PDE7B: variants seen among roughly 807,000 people sequenced by gnomAD.
PDE7B encodes phosphodiesterase 7B.
PDE7B carries 29 observed loss-of-function variants against 56.2 expected under a neutral mutation model. The observed-to-expected ratio is 0.52, with a 90% CI of 0.38 to 0.70. The LOEUF is 0.70. PDE7B is among the 30% of genes least tolerant of loss of function. PDE7B has a pLI of 0.00. For missense variants in PDE7B, 490 were observed against 565.0 expected (o/e 0.87, Z 1.35); for synonymous variants, 197 against 196.9 (o/e 1.00, Z 0.00).
chr6:135,852,351 A>T (rs981588219), intron 1 of PDE7B, among the ~76,000 whole-genome samples: 1 of 152,092 alleles, frequency 6.6e-6, no homozygotes, highest in African/African-American at 2.4e-5. Flanking sequence ...TCTCCAACAT[A>T]AATCTTGGAG....
At chr6:135,913,944 C>T (rs1776253322) in intron 1 of PDE7B, among the ~76,000 whole-genome samples, 2 of 152,180 alleles carry the variant, frequency 1.3e-5, no homozygotes, top group African/African-American at 2.4e-5. Context: ...GTAACCCACA[C>T]ATCACTGACA....
intron 2 of PDE7B, among the ~76,000 whole-genome samples, chr6:136,032,502 C>T (rs994445000): frequency 1.3e-5 from 2 of 152,166 alleles, no homozygotes; most frequent in African/African-American, 4.8e-5. Flanking sequence ...CATACTTTCA[C>T]CAGGCCTACC....
intron 6 of PDE7B, 118 bp downstream of exon 6, chr6:136,151,373 T>G: frequency 3.4e-6 from 2 of 581,410 alleles, no homozygotes; most frequent in South Asian, 2.4e-5. Flanking sequence ...CCAATTAATC[T>G]TAAATGGTCT....
chr6:136,133,330 T>G (rs960005662), intron 3 of PDE7B, among the ~76,000 whole-genome samples: 1 of 151,628 alleles, frequency 6.6e-6, no homozygotes, highest in Non-Finnish European at 1.5e-5. Context: ...AAAGTTTCTA[T>G]CTAGGCCTCT....
At chr6:135,926,077 CT>C (rs1468414349) in intron 1 of PDE7B, among the ~76,000 whole-genome samples, 3 of 40,618 alleles carry the variant, frequency 7.4e-5, no homozygotes, top group Admixed American at 4.0e-4. Flanking sequence ...TCTGTTTTTT[CT>C]TTTTTTTGGG....
chr6:136,143,018 G>A (rs183484270), intron 3 of PDE7B, among the ~76,000 whole-genome samples: 36 of 152,170 alleles, frequency 2.4e-4, no homozygotes, highest in East Asian at 1.4e-3. Flanking sequence ...TATTTTGCCC[G>A]TTAGTTGATG....
chr6:136,049,246 A>C (rs1562479708), intron 2 of PDE7B: 1 of 152,096 alleles, frequency 6.6e-6, no homozygotes, highest in African/African-American at 2.4e-5. Context: ...GGGACTATGG[A>C]TGCACACCAC....
At chr6:136,022,460 G>A (rs893643730) in intron 2 of PDE7B, among the ~76,000 whole-genome samples, 3 of 152,056 alleles carry the variant, frequency 2.0e-5, no homozygotes, top group South Asian at 2.1e-4. Context: ...CTCAGAATTC[G>A]CCTGATAAAT....
At chr6:135,898,781 T>C (rs1455368423) in intron 1 of PDE7B, among the ~76,000 whole-genome samples, 2 of 152,174 alleles carry the variant, frequency 1.3e-5, no homozygotes, top group East Asian at 3.8e-4. Context: ...AACATTATTA[T>C]AGATAAATTT....
At chr6:136,180,852 A>G (rs1282373160) in intron 10 of PDE7B, among the ~76,000 whole-genome samples, 2 of 152,206 alleles carry the variant, frequency 1.3e-5, no homozygotes, top group Non-Finnish European at 2.9e-5. Context: ...CTACTGTGAG[A>G]GTGAGGTCCA....
chr6:136,021,369 G>A (rs922608174), intron 2 of PDE7B, among the ~76,000 whole-genome samples: 2 of 152,166 alleles, frequency 1.3e-5, no homozygotes. Context: ...TCCTAGCTGG[G>A]TGCAGTGGCT....
rs1460268412 is a variant in PDE7B, at chr6:136,193,738, C to G, written c.*1898C>G. Reference sequence around the variant, plus strand: ...GTGCAACTGTTTTAGAGATTTTTCTCCTAACATGCAAAGGAAATACTGATT... The same window carrying G: ...GTGCAACTGTTTTAGAGATTTTTCTGCTAACATGCAAAGGAAATACTGATT... On this transcript the variant is annotated 3_prime_UTR_variant, in exon 13 of 13. Transcript: ENST00000308191. The G allele has an allele frequency of 1.3e-5, 2 of 152,148 alleles. No individual in the cohort carries two copies. The highest frequency in any genetic ancestry group is 6.5e-5 in the Admixed American group (1 of 15,272). The allele number at this position is 152,148 out of a possible 1,614,324, so 9.4% of individuals were successfully genotyped here.
chr6:135,898,745 C>T (rs941530721), intron 1 of PDE7B, among the ~76,000 whole-genome samples: 1 of 152,092 alleles, frequency 6.6e-6, no homozygotes, highest in African/African-American at 2.4e-5. Context: ...ATCTAAGTTG[C>T]ATGCATTATG....
chr6:136,064,538 G>A (rs1258994493), intron 2 of PDE7B: 3 of 152,106 alleles, frequency 2.0e-5, no homozygotes, highest in Non-Finnish European at 2.9e-5. Flanking sequence ...GAGTGTCTCA[G>A]GTTCACTCTC....
At chr6:136,089,772 G>A (rs1255014391) in intron 2 of PDE7B, among the ~76,000 whole-genome samples, 1 of 152,184 alleles carries the variant, frequency 6.6e-6, no homozygotes, top group Non-Finnish European at 1.5e-5. Flanking sequence ...TCAAATTTAT[G>A]CCAGTTATTG....
chr6:135,941,377 A>G (rs1015456985), intron 1 of PDE7B, among the ~76,000 whole-genome samples: 5 of 152,234 alleles, frequency 3.3e-5, no homozygotes, highest in Non-Finnish European at 7.3e-5. Flanking sequence ...CATTTCTGCA[A>G]TAGCATTCAG....
chr6:136,080,507 A>G (rs532248188), intron 2 of PDE7B, among the ~76,000 whole-genome samples: 25 of 152,272 alleles, frequency 1.6e-4, no homozygotes, highest in African/African-American at 5.5e-4. Context: ...GAGATTTTCA[A>G]TTTCTGTGGG....
intron 3 of PDE7B, among the ~76,000 whole-genome samples, chr6:136,139,575 C>G (rs921968124): frequency 4.5e-4 from 68 of 152,310 alleles, no homozygotes; most frequent in African/African-American, 1.3e-3. Flanking sequence ...AACTAGTTTA[C>G]AGTCCCACCA....
In PDE7B at chr6:136,120,797, G is replaced by A. The variant is rs1777920343; in HGVS notation, c.166+11983G>A. Among the ~76,000 whole-genome samples the A allele has an allele frequency of 2.0e-5, 3 of 152,218 alleles. No individual in the cohort carries two copies. The South Asian group carries it at 6.2e-4, about 32-fold the overall frequency. On this transcript the variant is annotated intron_variant, in intron 3 of 12. Coordinates refer to ENST00000308191, the MANE Select transcript of PDE7B (RefSeq NM_018945.4). The stretch of plus-strand genomic sequence containing the variant: ...CCACCAGCAGTCAATGTCATCAAAA[G>A]CATCACAGGGAAATTCCATCAGCAG...
Sources: gnomAD v4.1 joint callset for allele counts (sites outside exome capture counted in the v4.1 genomes callset) on GRCh38, gnomAD v4.1.1 for gene constraint, MANE v1.5 for transcripts, NCBI Gene and HGNC (gene_info 2026-07-23, HGNC 2026-07-21) for gene names.